Variants in SFI1 observed in about 807,000 individuals in gnomAD.
SFI1 encodes the protein SFI1 centrin binding protein, also known as protein SFI1 homolog.
SFI1 carries 195 observed loss-of-function variants against 207.5 expected under a neutral mutation model. The observed-to-expected ratio is 0.94, with a 90% CI of 0.84 to 1.06. The LOEUF (loss-of-function observed/expected upper bound fraction) is 1.06. SFI1 is among the 50% of genes least tolerant of loss of function. SFI1 has a pLI of 0.00. For missense variants in SFI1, 1,634 were observed against 1,588.0 expected (o/e 1.03, Z -0.49); for synonymous variants, 630 against 598.9 (o/e 1.05, Z -0.76).
intron 4 of SFI1, among the ~76,000 whole-genome samples, chr22:31,532,524 G>A (rs1473184078): frequency 6.6e-6 from 1 of 152,116 alleles, no homozygotes; most frequent in Non-Finnish European, 1.5e-5. Context: ...GTTCCCTCCT[G>A]CTCCCCTCTT....
chr22:31,541,692 C>T (rs1442380616), intron 4 of SFI1, among the ~76,000 whole-genome samples: 4 of 146,418 alleles, frequency 2.7e-5, no homozygotes, highest in Non-Finnish European at 5.9e-5. Flanking sequence ...TGCAGTGAGC[C>T]GAGGTGGTGC....
intron 4 of SFI1, among the ~76,000 whole-genome samples, chr22:31,532,555 G>A (rs920914765): frequency 2.0e-5 from 3 of 152,094 alleles, no homozygotes; most frequent in Admixed American, 2.0e-4. Flanking sequence ...TTCCCTTACT[G>A]TAATCTTTCC....
intron 7 of SFI1, among the ~76,000 whole-genome samples, chr22:31,557,287 T>G (rs1164273697): frequency 6.6e-6 from 1 of 152,114 alleles, no homozygotes; most frequent in African/African-American, 2.4e-5. Context: ...CAAGCAGTCC[T>G]TCCACCTCAG....
At chr22:31,513,022 T>C (rs1044438168) in intron 2 of SFI1, among the ~76,000 whole-genome samples, 1 of 152,096 alleles carries the variant, frequency 6.6e-6, no homozygotes, top group African/African-American at 2.4e-5. Context: ...GGTTTCACCA[T>C]GTTGGCCAGG....
At chr22:31,547,166 GAC>G (rs145488720) in intron 5 of SFI1, among the ~76,000 whole-genome samples, 195 bp downstream of exon 5, 11 of 151,874 alleles carry the variant, frequency 7.2e-5, no homozygotes, top group Admixed American at 4.6e-4. Context: ...CGTGCACACA[GAC>G]ACACACACAC....
At chr22:31,609,964 C>T (rs2069783847) in intron 22 of SFI1, among the ~76,000 whole-genome samples, 1 of 152,190 alleles carries the variant, frequency 6.6e-6, no homozygotes, top group Non-Finnish European at 1.5e-5. Context: ...TGCCGGAAGC[C>T]GCTGCTCTCT....
intron 15 of SFI1, among the ~76,000 whole-genome samples, chr22:31,592,360 ACC>A (rs1424012211): frequency 1.9e-5 from 1 of 53,490 alleles, no homozygotes; most frequent in African/African-American, 1.0e-4. Flanking sequence ...AGGGGGGCTG[ACC>A]CCCCCCACCT....
Position 31,615,130 on chromosome 22 carries a change from C to T in SFI1, c.3151C>T (p.Pro1051Ser), listed in dbSNP as rs1237729040. 6.2e-7 allele frequency: 1 copy of T among 1,609,252 alleles called. No individual in the cohort carries two copies. Reference sequence around the variant, plus strand: ...GACGCGGCCCTTCCTGGCAGAGGCCCCGACAGCACTGGTCCCACACAGCCC... The same window carrying T: ...GACGCGGCCCTTCCTGGCAGAGGCCTCGACAGCACTGGTCCCACACAGCCC... ...SLTRPFLAEA[P>S]TALVPHSPLP... The change falls in exon 29 of 33, where the codon CCG becomes TCG. Residue 1051 changes from proline (P) to serine (S), a missense_variant. By Grantham distance (74) the Pro-to-Ser change is moderately conservative. Transcript: ENST00000400288.
chr22:31,559,250 G>A (rs760315772), intron 7 of SFI1, among the ~76,000 whole-genome samples: 1 of 151,926 alleles, frequency 6.6e-6, no homozygotes, highest in Non-Finnish European at 1.5e-5. Flanking sequence ...TAGTGAAACT[G>A]TCTCTACTAA....
chr22:31,504,161 G>A (rs1201801850), intron 1 of SFI1, among the ~76,000 whole-genome samples: 1 of 152,060 alleles, frequency 6.6e-6, no homozygotes, highest in Non-Finnish European at 1.5e-5. Flanking sequence ...ATAACAGAAG[G>A]GAGTCCTTGA....
intron 1 of SFI1, among the ~76,000 whole-genome samples, chr22:31,502,783 TTA>T (rs1758905214): frequency 6.6e-6 from 1 of 152,106 alleles, no homozygotes. Context: ...TCTAAATGTT[TTA>T]TGATTCTCAA....
intron 11 of SFI1, among the ~76,000 whole-genome samples, chr22:31,579,665 T>G (rs925976457): frequency 3.3e-5 from 5 of 152,118 alleles, no homozygotes; most frequent in Admixed American, 6.5e-5. Context: ...TTGGCCAGGC[T>G]GGTCTTGAAC....
chr22:31,603,091 G>A (rs1172241625), intron 17 of SFI1, among the ~76,000 whole-genome samples: 1 of 152,164 alleles, frequency 6.6e-6, no homozygotes, highest in African/African-American at 2.4e-5. Context: ...AATTAGCCAG[G>A]CGTGGTGGCG....
intron 4 of SFI1, among the ~76,000 whole-genome samples, chr22:31,534,463 G>C (rs1398072344): frequency 6.6e-6 from 1 of 151,656 alleles, no homozygotes; most frequent in African/African-American, 2.4e-5. Flanking sequence ...TTCTATCTGT[G>C]ATAATTTTCC....
At chr22:31,582,232 ATATATTTTTTTTTTTTT>A (rs2064377440) in intron 12 of SFI1, among the ~76,000 whole-genome samples, 5 of 25,998 alleles carry the variant, frequency 1.9e-4, no homozygotes, top group Admixed American at 5.0e-4. Flanking sequence ...ATATATATAT[ATATATTTTTTTTTTTTT>A]TTTTTTTTTT....
intron 6 of SFI1, among the ~76,000 whole-genome samples, chr22:31,553,441 G>A (rs886716495): frequency 6.6e-5 from 10 of 151,050 alleles, no homozygotes; most frequent in Non-Finnish European, 1.5e-4. Flanking sequence ...CTGCAACCTC[G>A]ACCTCCCGGG....
chr22:31,612,862 G>T (rs900736722), intron 24 of SFI1: 9 of 470,902 alleles, frequency 1.9e-5, no homozygotes, highest in Non-Finnish European at 3.5e-5. Flanking sequence ...CCGTTCTGTT[G>T]TCCTGTTTTC....
At chr22:31,500,574 C>CA (rs1007697436) in intron 1 of SFI1, among the ~76,000 whole-genome samples, 1 of 152,124 alleles carries the variant, frequency 6.6e-6, no homozygotes, top group African/African-American at 2.4e-5. Flanking sequence ...TCTCCTGCCT[C>CA]AGCCTCCTGA....
intron 2 of SFI1, among the ~76,000 whole-genome samples, chr22:31,516,465 A>G (rs755137969): frequency 2.0e-5 from 3 of 151,792 alleles, no homozygotes; most frequent in Non-Finnish European, 4.4e-5. Context: ...GTGAGCTGAG[A>G]TGGCACCCCT....
Sources: gnomAD v4.1 joint callset for allele counts (sites outside exome capture counted in the v4.1 genomes callset) on GRCh38, gnomAD v4.1.1 for gene constraint, MANE v1.5 for transcripts, NCBI Gene and HGNC (gene_info 2026-07-23, HGNC 2026-07-21) for gene names.